Variants in SHANK2 observed in about 807,000 individuals in gnomAD.
SHANK2 encodes SH3 and multiple ankyrin repeat domains 2.
A neutral mutation model predicts 133.7 loss-of-function variants in SHANK2; 43 were observed. The ratio of observed to expected loss-of-function variants is 0.32; its 90% confidence interval spans 0.25 to 0.41. The LOEUF (loss-of-function observed/expected upper bound fraction) is 0.41. Ranked by LOEUF, SHANK2 falls within the 10% of genes least tolerant of loss-of-function variation. The pLI is 1.00. For synonymous variants in SHANK2, 1,017 were observed against 952.8 expected (o/e 1.07, Z -1.24); for missense variants, 1,994 against 2,235.8 (o/e 0.89, Z 2.18).
intron 4 of SHANK2, among the ~76,000 whole-genome samples, chr11:71,116,337 C>T (rs1390937430): frequency 2.0e-5 from 3 of 152,214 alleles, no homozygotes; most frequent in Non-Finnish European, 4.4e-5. Flanking sequence ...TAGAAATGAT[C>T]CGTTTCTGGC....
chr11:70,806,605 C>G (rs185902138), intron 13 of SHANK2, among the ~76,000 whole-genome samples: 1 of 152,208 alleles, frequency 6.6e-6, no homozygotes, highest in East Asian at 1.9e-4. Flanking sequence ...CACTGCAGGC[C>G]CCGGGCCTCA....
At chr11:70,537,596 G>T (rs1554974375) in intron 17 of SHANK2, among the ~76,000 whole-genome samples, 1 of 152,228 alleles carries the variant, frequency 6.6e-6, no homozygotes, top group African/African-American at 2.4e-5. Context: ...CTGCAGCCCT[G>T]TGAGGCTGCT....
chr11:71,138,373 C>T (rs1590948706), intron 3 of SHANK2, among the ~76,000 whole-genome samples: 1 of 152,194 alleles, frequency 6.6e-6, no homozygotes, highest in East Asian at 1.9e-4. Flanking sequence ...TAGAGGAATC[C>T]TCAAATACAA....
chr11:71,056,284 T>C (rs1950918726), intron 10 of SHANK2, among the ~76,000 whole-genome samples, 197 bp downstream of exon 10: 1 of 152,208 alleles, frequency 6.6e-6, no homozygotes, highest in East Asian at 1.9e-4. Flanking sequence ...AAGGAGCCAG[T>C]GTGAGCAAGC....
At chr11:71,076,342 T>G (rs1590887007) in intron 8 of SHANK2, among the ~76,000 whole-genome samples, 1 of 152,148 alleles carries the variant, frequency 6.6e-6, no homozygotes, top group Non-Finnish European at 1.5e-5. Flanking sequence ...GGGGTTCTCA[T>G]GAATCCTGCT....
rs1295812937 is a variant in SHANK2, at chr11:71,167,545, AC to A, written c.-12-20208del. On this transcript the variant is annotated intron_variant, in intron 2 of 25. Coordinates refer to ENST00000601538, the MANE Select transcript of SHANK2 (RefSeq NM_012309.5). ...GGGCGGCTGGCCGGGCGGGGGGCTG[AC>A]CCCCCCACCTCCCTCCCGGACGGGG... Among the ~76,000 whole-genome samples the A allele has an allele frequency of 1.1e-4, 10 of 88,160 alleles. 1 individual carries two copies. The highest frequency in any genetic ancestry group is 2.8e-4 in the East Asian group (1 of 3,526). The allele number at this position is 88,160 out of a possible 152,430, so 57.8% of individuals were successfully genotyped here. A position where few individuals can be genotyped will look rare whatever the true frequency, so the allele number is the denominator to read the frequency against.
In SHANK2 at chr11:70,741,340, T is replaced by TATCC. The variant is rs111526364; in HGVS notation, c.1778-42581_1778-42578dup. Reference sequence around the variant, plus strand: ...CCATGCATCCAACTACCCATCTATCTATCCATCCATCCATCCATCCATCCA... The same window carrying TATCC: ...CCATGCATCCAACTACCCATCTATCTATCCATCCATCCATCCATCCATCCATCCA... On this transcript the variant is annotated intron_variant, in intron 14 of 25. Coordinates refer to ENST00000601538, the MANE Select transcript of SHANK2 (RefSeq NM_012309.5). Among the ~76,000 whole-genome samples the TATCC allele has an allele frequency of 6.3e-3, 944 of 149,052 alleles. 4 individuals are homozygous for TATCC. Among genetic ancestry groups the TATCC allele is most frequent in the Middle Eastern group, 0.01 (3 of 286 alleles).
chr11:70,491,190 C>T (rs797029282), intron 22 of SHANK2, among the ~76,000 whole-genome samples: 39 of 152,384 alleles, frequency 2.6e-4, no homozygotes, highest in African/African-American at 7.0e-4. Context: ...CAGATGCGGA[C>T]GCTCAATGGA....
chr11:71,165,392 G>A (rs1437619531), intron 2 of SHANK2, among the ~76,000 whole-genome samples: 2 of 152,098 alleles, frequency 1.3e-5, no homozygotes, highest in Non-Finnish European at 2.9e-5. Flanking sequence ...AAACTATTGC[G>A]CTAACCTCAT....
intron 14 of SHANK2, among the ~76,000 whole-genome samples, chr11:70,786,529 A>T (rs1947657890): frequency 1.3e-5 from 2 of 152,212 alleles, no homozygotes; most frequent in Non-Finnish European, 2.9e-5. Flanking sequence ...CCACTGCAAC[A>T]ACCCTGCAGG....
intron 15 of SHANK2, among the ~76,000 whole-genome samples, chr11:70,672,716 T>C: frequency 6.6e-6 from 1 of 152,242 alleles, no homozygotes; most frequent in Non-Finnish European, 1.5e-5. Flanking sequence ...GAAATTGTGA[T>C]TTGCTTGTTC....
At chr11:70,497,612 C>A (rs1565539157) in intron 21 of SHANK2, among the ~76,000 whole-genome samples, 1 of 152,304 alleles carries the variant, frequency 6.6e-6, no homozygotes, top group East Asian at 1.9e-4. Flanking sequence ...AGGTTTGTCA[C>A]CTGCCTGTTA....
intron 13 of SHANK2, among the ~76,000 whole-genome samples, chr11:70,802,272 G>A (rs1555050713): frequency 6.6e-6 from 1 of 152,172 alleles, no homozygotes; most frequent in African/African-American, 2.4e-5. Context: ...AGGCCACAGT[G>A]GGGATAAGCT....
intron 10 of SHANK2, among the ~76,000 whole-genome samples, chr11:70,931,471 G>A (rs782218040): frequency 1.3e-5 from 2 of 152,178 alleles, no homozygotes; most frequent in Non-Finnish European, 2.9e-5. Flanking sequence ...AGGTGGCAGC[G>A]CTGGGACACC....
At chr11:71,073,140 T>TC (rs1951165524) in intron 9 of SHANK2, among the ~76,000 whole-genome samples, 2 of 92,880 alleles carry the variant, frequency 2.2e-5, no homozygotes, top group African/African-American at 3.1e-5. Flanking sequence ...TTTTTTCTTT[T>TC]TCTTTTCTTT....
At chr11:71,190,922 T>C (rs574715359) in intron 2 of SHANK2, among the ~76,000 whole-genome samples, 297 of 151,678 alleles carry the variant, frequency 2.0e-3, no homozygotes, top group Non-Finnish European at 3.2e-3. Flanking sequence ...TGTGCATACA[T>C]ATGCATGCAT....
At position 71,084,014 on chromosome 11, in the gene SHANK2, GGCTGGAGTGCAGTGGCGCAGT is replaced by G. The variant is rs1443277495; in HGVS notation, c.912+8387_912+8407del. On this transcript the variant is annotated intron_variant, in intron 8 of 25. Coordinates refer to ENST00000601538, the MANE Select transcript of SHANK2 (RefSeq NM_012309.5). ...AGACAGAGTCTTGCTCTGTCTCCCAGGCTGGAGTGCAGTGGCGCAGTCTCAGCTCGCTGCAAGCTCTGCCTC... is the reference window on the plus strand; with the variant it reads ...AGACAGAGTCTTGCTCTGTCTCCCAGCTCAGCTCGCTGCAAGCTCTGCCTC... Among the ~76,000 whole-genome samples the G allele has an allele frequency of 4.0e-3, 598 of 150,778 alleles. 3 individuals carry two copies. Among genetic ancestry groups the G allele is most frequent in the African/African-American group, 0.014 (582 of 41,026 alleles).
chr11:70,591,582 A>G lies in SHANK2; in HGVS notation c.2061+68246T>C, dbSNP rs1591620659. ...AAAAAAAAAGCAACATCATAGCTCC[A>G]TTTTTGTCTTCTCCAAGGAAACATA... On this transcript the variant is annotated intron_variant, in intron 17 of 25. Coordinates refer to ENST00000601538, the MANE Select transcript of SHANK2 (RefSeq NM_012309.5). Among the ~76,000 whole-genome samples the G allele has an allele frequency of 2.0e-5, 3 of 152,158 alleles. 1 individual carries two copies. Among genetic ancestry groups the G allele is most frequent in the Admixed American group, 2.0e-4 (3 of 15,268 alleles).
chr11:70,502,189 C>T lies in SHANK2; in HGVS notation c.2278+17G>A. 6.4e-7 allele frequency: 1 copy of T among 1,552,894 alleles called. No homozygotes were observed. The highest frequency in any genetic ancestry group is 2.4e-5 in the East Asian group (1 of 41,636). On this transcript the variant is annotated intron_variant, in intron 19 of 25. Transcript: ENST00000601538. ...GGCATGGTGACTGTACAGGGCTGGGCCGGGTGTGCGACTTACCGAGCTCCT... is the reference window on the plus strand; with the variant it reads ...GGCATGGTGACTGTACAGGGCTGGGTCGGGTGTGCGACTTACCGAGCTCCT...
Sources: gnomAD v4.1 joint callset for allele counts (sites outside exome capture counted in the v4.1 genomes callset) on GRCh38, gnomAD v4.1.1 for gene constraint, MANE v1.5 for transcripts, NCBI Gene and HGNC (gene_info 2026-07-23, HGNC 2026-07-21) for gene names.